Variants in NPEPL1 observed in about 807,000 individuals in gnomAD.
The protein encoded by NPEPL1 is probable aminopeptidase NPEPL1.
NPEPL1 carries 45 observed loss-of-function variants against 52.4 expected under a neutral mutation model. The observed-to-expected ratio is 0.86, with a 90% confidence interval of 0.68 to 1.10. The LOEUF (loss-of-function observed/expected upper bound fraction) is 1.10. Ranked by LOEUF, NPEPL1 falls within the 50% of genes least tolerant of loss-of-function variation. NPEPL1 has a pLI of 0.00. For missense variants in NPEPL1, 696 were observed against 710.9 expected, an observed-to-expected ratio of 0.98 and a Z score of 0.24; for synonymous variants, 360 against 314.7, an observed-to-expected ratio of 1.14 and a Z score of -1.52.
At chr20:58,691,898 C>T, upstream of NPEPL1, 1 of 998,972 alleles carries the variant, frequency 1.0e-6, no homozygotes, top group Non-Finnish European at 1.6e-6. Flanking sequence ...TTCCCTGACC[C>T]TTGCATCTGA....
At chr20:58,700,773 T>G (rs564560359) in intron 5 of NPEPL1, among the ~76,000 whole-genome samples, 4 of 152,210 alleles carry the variant, frequency 2.6e-5, no homozygotes, top group African/African-American at 9.6e-5. Context: ...TTTCCCTTAG[T>G]GGGTTTTCTT....
In NPEPL1 at chr20:58,693,006, T is replaced by C. The variant is rs1404144755; in HGVS notation, c.106T>C (p.Trp36Arg). Reference protein sequence around the residue: ...GQLHHLHRVPWSHVRGKLQPR... With the variant: ...GQLHHLHRVPRSHVRGKLQPR... ...GCTGCACCACCTGCACCGCGTGCCC[T>C]GGAGCCACGTCCGCGGGAAGCTGCA... Residue 36 changes from tryptophan (W) to arginine (R), a missense_variant, in exon 1 of 12, where the codon TGG becomes CGG. Physicochemically the swap from Trp to Arg is moderately radical, Grantham distance 101. Coordinates refer to ENST00000356091, the MANE Select transcript of NPEPL1 (RefSeq NM_024663.4). The C allele has an allele frequency of 1.8e-6, 2 of 1,125,166 alleles. No individual in the cohort carries two copies. The highest frequency in any genetic ancestry group is 2.6e-5 in the South Asian group (1 of 37,902). 69.7% of individuals were successfully genotyped at this position (1,125,166 alleles called of 1,614,324 possible).
intron 4 of NPEPL1, 88 bp downstream of exon 4, chr20:58,698,861 C>T (rs1474072443): frequency 2.4e-5 from 28 of 1,151,352 alleles, no homozygotes; most frequent in Admixed American, 2.0e-4. Flanking sequence ...CTGGGGCTGT[C>T]CACACCCTGA....
At chr20:58,707,501 T>C (rs931196328) in intron 7 of NPEPL1, among the ~76,000 whole-genome samples, 2 of 152,224 alleles carry the variant, frequency 1.3e-5, no homozygotes, top group Non-Finnish European at 2.9e-5. Context: ...TAGACCCTCA[T>C]GGCATGTGGC....
At chr20:58,701,328 T>A (rs895176117) in intron 6 of NPEPL1, among the ~76,000 whole-genome samples, 170 bp downstream of exon 6, 43 of 2,874 alleles carry the variant, frequency 0.015, 1 homozygote, top group African/African-American at 0.055. Flanking sequence ...TGGGGTGGGG[T>A]GGGGAGGGGA....
In NPEPL1 at chr20:58,714,657, C is replaced by A; in HGVS notation, c.1400C>A (p.Ala467Glu). Residue 467 changes from alanine (A) to glutamate (E), a missense_variant, in exon 11 of 12, where the codon GCA becomes GAA. Coordinates refer to ENST00000356091, the MANE Select transcript of NPEPL1 (RefSeq NM_024663.4). ...GTCTGGGTCCACCTGGACATTGCTG[C>A]ACCGGTGCATGCTGTGAGTGTCTCC... is the stretch of plus-strand genomic sequence containing the variant. ...PGVWVHLDIAAPVHAGERATG... is the reference protein window; with the variant it reads ...PGVWVHLDIAEPVHAGERATG... 6.3e-7 allele frequency: 1 copy of A among 1,592,128 alleles called. No individual in the cohort carries two copies.
At chr20:58,712,795 C>T (rs1356109573) in intron 8 of NPEPL1, 1 of 661,746 alleles carries the variant, frequency 1.5e-6, no homozygotes, top group Non-Finnish European at 2.8e-6. Context: ...TGCTAGGCTC[C>T]CGTGCAGTGC....
intron 6 of NPEPL1, chr20:58,703,698 G>A (rs895180281): frequency 2.0e-6 from 2 of 984,682 alleles, no homozygotes; most frequent in Non-Finnish European, 2.4e-6. Context: ...GCTGTGGGTA[G>A]ACCTGTGCAG....
At chr20:58,708,593 T>TC (rs1434012246) in intron 7 of NPEPL1, among the ~76,000 whole-genome samples, 1 of 152,154 alleles carries the variant, frequency 6.6e-6, no homozygotes, top group Non-Finnish European at 1.5e-5. Flanking sequence ...GGAGCATGTG[T>TC]CCTCTGTGCG....
chr20:58,693,209 C>G (rs1239291247), intron 1 of NPEPL1, 159 bp downstream of exon 1: 2 of 420,250 alleles, frequency 4.8e-6, no homozygotes, highest in Admixed American at 1.3e-4. Flanking sequence ...CAGGCCAGTC[C>G]TCGCCCGCGG....
upstream of NPEPL1, chr20:58,691,672 T>G: frequency 1.3e-6 from 1 of 797,358 alleles, no homozygotes; most frequent in Admixed American, 2.8e-5. Context: ...TTGACAGTGC[T>G]TTTTTTTCTT....
chr20:58,715,208 C>T lies in NPEPL1; in HGVS notation c.1454C>T (p.Ala485Val). ...GGCTTCGGTGTGGCCCTCCTGCTGG[C>T]GCTCTTCGGCCGTGCCTCTGAGGAC... ...ATGFGVALLL[A>V]LFGRASEDPL... Residue 485 changes from alanine to valine, a missense_variant, in exon 12 of 12, where the codon GCG becomes GTG. Ala to Val is a moderately conservative substitution (Grantham distance 64, BLOSUM62 0). Coordinates refer to ENST00000356091, the MANE Select transcript of NPEPL1 (RefSeq NM_024663.4). The T allele has an allele frequency of 5.0e-6, 8 of 1,607,822 alleles. No homozygotes were observed. Among genetic ancestry groups the T allele is most frequent in the South Asian group, 1.1e-5 (1 of 90,094 alleles).
chr20:58,697,386 C>T (rs1245052114), intron 3 of NPEPL1, among the ~76,000 whole-genome samples: 4 of 152,224 alleles, frequency 2.6e-5, no homozygotes, highest in Non-Finnish European at 5.9e-5. Context: ...CAGTCCTTGT[C>T]GAGTCCCCAC....
At chr20:58,691,203 A>G (rs2084336652), upstream of NPEPL1, 1 of 702,718 alleles carries the variant, frequency 1.4e-6, no homozygotes, top group Non-Finnish European at 2.6e-6. Context: ...AACAGAAAAA[A>G]GAGTGAGAGA....
chr20:58,691,112 T>G (rs2084335345), upstream of NPEPL1: 1 of 703,174 alleles, frequency 1.4e-6, no homozygotes, highest in South Asian at 1.5e-5. Context: ...GGGCATGGCC[T>G]TAGTCTCTCA....
intron 7 of NPEPL1, among the ~76,000 whole-genome samples, chr20:58,708,548 G>A (rs1010783305): frequency 1.3e-5 from 2 of 152,380 alleles, no homozygotes; most frequent in African/African-American, 2.4e-5. Flanking sequence ...GCCGTGGCCC[G>A]TCCACTGCAG....
In NPEPL1 at chr20:58,715,220, G is replaced by A. The variant is rs746528549; in HGVS notation, c.1466G>A (p.Arg489His). The change falls in exon 12 of 12, where the codon CGT (arginine) becomes CAT (histidine). Residue 489 changes from arginine (R) to histidine (H), a missense_variant. By Grantham distance (29) the Arg-to-His change is conservative. Transcript: ENST00000356091. ...GCCCTCCTGCTGGCGCTCTTCGGCC[G>A]TGCCTCTGAGGACCCTCTGCTGAAC... is the stretch of plus-strand genomic sequence containing the variant. ...GVALLLALFG[R>H]ASEDPLLNLV... 8 of 1,608,562 alleles carry A rather than the reference G, an allele frequency of 5.0e-6. No individual in the cohort carries two copies. Among genetic ancestry groups the A allele is most frequent in the Admixed American group, 1.7e-5 (1 of 59,536 alleles).
chr20:58,694,665 AG>A, intron 3 of NPEPL1, 73 bp downstream of exon 3: 1 of 1,446,702 alleles, frequency 6.9e-7, no homozygotes, highest in Non-Finnish European at 9.2e-7. Flanking sequence ...AGGTCGGGAG[AG>A]GGAAAAGCTT....
chr20:58,691,236 C>T (rs972522635), upstream of NPEPL1: 1 of 689,764 alleles, frequency 1.4e-6, no homozygotes, highest in Non-Finnish European at 2.6e-6. Context: ...CTGTTAGTAC[C>T]CTTTACCAAT....
Sources: gnomAD v4.1 joint callset for allele counts (sites outside exome capture counted in the v4.1 genomes callset) on GRCh38, gnomAD v4.1.1 for gene constraint, MANE v1.5 for transcripts, NCBI Gene and HGNC (gene_info 2026-07-23, HGNC 2026-07-21) for gene names.